NEBL: variants seen among roughly 807,000 people sequenced by gnomAD.
NEBL encodes LIM and SH3 protein 2.
Under a neutral mutation model 140.2 loss-of-function variants are expected in NEBL, and 122 were observed. That is an observed-to-expected ratio of 0.87 (90% CI 0.75 to 1.01). The LOEUF is 1.01. NEBL is among the 50% of genes least tolerant of loss of function. The pLI, the probability that NEBL is intolerant of heterozygous loss-of-function variation, is 0.00. For missense variants in NEBL, 1,365 were observed against 1,231.3 expected (o/e 1.11, Z -1.62); for synonymous variants, 436 against 398.9 (o/e 1.09, Z -1.11).
intron 2 of NEBL, among the ~76,000 whole-genome samples, chr10:21,085,924 G>T (rs948749747): frequency 3.9e-5 from 6 of 152,038 alleles, no homozygotes; most frequent in African/African-American, 1.4e-4. Flanking sequence ...ATATACAGGA[G>T]GAGCTTTTAT....
intron 3 of NEBL, among the ~76,000 whole-genome samples, chr10:21,194,917 T>A (rs1841625911): frequency 6.6e-6 from 1 of 151,180 alleles, no homozygotes; most frequent in South Asian, 2.1e-4. Flanking sequence ...AAGCTAATGA[T>A]GTAGATCAAG....
chr10:21,017,017 C>A (rs1009348450), intron 3 of NEBL, among the ~76,000 whole-genome samples: 3 of 152,138 alleles, frequency 2.0e-5, no homozygotes, highest in African/African-American at 7.2e-5. Flanking sequence ...GCTTACAGAT[C>A]TTTTCTAGGT....
chr10:20,848,616 A>T (rs1277125030), intron 11 of NEBL, among the ~76,000 whole-genome samples: 1 of 148,314 alleles, frequency 6.7e-6, no homozygotes, highest in African/African-American at 2.7e-5. Context: ...CACAAACCCT[A>T]TTATGAACTG....
intron 1 of NEBL, among the ~76,000 whole-genome samples, chr10:21,291,965 C>T (rs1478026366): frequency 6.6e-6 from 1 of 151,790 alleles, no homozygotes; most frequent in African/African-American, 2.4e-5. Context: ...AACCCATATG[C>T]AGATGATAAT....
intron 3 of NEBL, among the ~76,000 whole-genome samples, chr10:21,234,426 C>T (rs551344941): frequency 6.0e-4 from 92 of 152,256 alleles, no homozygotes; most frequent in African/African-American, 2.1e-3. Flanking sequence ...TCACCTGCCT[C>T]TCCCACTTCA....
chr10:20,794,814 A>C lies in NEBL; in HGVS notation c.2762-7506T>G, dbSNP rs57087711. On this transcript the variant is annotated intron_variant, in intron 26 of 27. Coordinates refer to ENST00000377122, the MANE Select transcript of NEBL (RefSeq NM_006393.3). ...TCTTAAAGTTCTGCTTTTCAGGAAC[A>C]TCCTTAGTCTCGGGCAATTTGGGAT... Among the ~76,000 whole-genome samples, 1,030 of 152,314 alleles carry C rather than the reference A, an allele frequency of 6.8e-3. 16 individuals are homozygous for C. Among genetic ancestry groups the C allele is most frequent in the East Asian group, 0.066 (342 of 5,186 alleles).
intron 3 of NEBL, among the ~76,000 whole-genome samples, chr10:21,193,229 G>A (rs1484679490): frequency 2.0e-5 from 3 of 152,160 alleles, no homozygotes; most frequent in East Asian, 1.9e-4. Context: ...GTGAGCACCT[G>A]GAGACCTGGA....
intron 2 of NEBL, chr10:21,113,182 C>T (rs1233127323): frequency 1.4e-5 from 4 of 290,118 alleles, no homozygotes; most frequent in South Asian, 1.1e-4. Context: ...GAAAAAGTGC[C>T]AGTGAAGAAA....
At chr10:21,223,294 T>C (rs887044690) in intron 3 of NEBL, among the ~76,000 whole-genome samples, 1 of 152,276 alleles carries the variant, frequency 6.6e-6, no homozygotes, top group African/African-American at 2.4e-5. Context: ...AGTGAGAATA[T>C]GTGAAGTTTG....
At chr10:20,881,012 G>C (rs911477298) in intron 4 of NEBL, 108 bp from the exon 5 acceptor site, 3 of 802,494 alleles carry the variant, frequency 3.7e-6, no homozygotes, top group Non-Finnish European at 6.5e-6. Flanking sequence ...ACCACTGATA[G>C]TTAATTTGCC....
intron 4 of NEBL, among the ~76,000 whole-genome samples, chr10:20,956,145 G>C (rs1270626325): frequency 6.6e-6 from 1 of 152,140 alleles, no homozygotes; most frequent in Non-Finnish European, 1.5e-5. Flanking sequence ...GCAAAACCAG[G>C]TGTAAGGGAA....
chr10:20,835,818 G>A (rs1278174543), intron 13 of NEBL, among the ~76,000 whole-genome samples, 195 bp from the exon 14 acceptor site: 2 of 152,176 alleles, frequency 1.3e-5, no homozygotes, highest in Admixed American at 6.5e-5. Flanking sequence ...CTGAAGAAGG[G>A]CATGCAAAGC....
upstream of NEBL, chr10:20,899,295 C>T (rs1765894698): frequency 1.1e-5 from 9 of 848,168 alleles, no homozygotes; most frequent in Non-Finnish European, 1.5e-5. Flanking sequence ...GCCAAAACTG[C>T]CTGAGACACA....
chr10:20,858,102 T>C, intron 9 of NEBL, 138 bp downstream of exon 9: 2 of 724,380 alleles, frequency 2.8e-6, no homozygotes, highest in Non-Finnish European at 4.9e-6. Flanking sequence ...CAGAGGACTG[T>C]TTTTCAATGA....
Position 21,161,559 on chromosome 10 carries a change from G to A in NEBL, c.164+10824C>T, listed in dbSNP as rs147171574. ...TGTAATTTGCCAATAGGACAGACTCGTGTATCAATAAAAACAAAATCTAGA... is the reference window on the plus strand; with the variant it reads ...TGTAATTTGCCAATAGGACAGACTCATGTATCAATAAAAACAAAATCTAGA... On this transcript the variant is annotated intron_variant, in intron 2 of 6. Transcript: ENST00000417816. Among the ~76,000 whole-genome samples the A allele has an allele frequency of 1.3e-3, 199 of 152,232 alleles. 1 individual carries two copies. The highest frequency in any genetic ancestry group is 4.6e-3 in the African/African-American group (190 of 41,540).
At chr10:20,884,710 G>T (rs1846325246) in intron 4 of NEBL, among the ~76,000 whole-genome samples, 1 of 152,174 alleles carries the variant, frequency 6.6e-6, no homozygotes, top group African/African-American at 2.4e-5. Context: ...AGAATCCTGT[G>T]ACCACCGTGG....
intron 1 of NEBL, among the ~76,000 whole-genome samples, chr10:21,267,016 T>C (rs1240912376): frequency 6.6e-6 from 1 of 151,934 alleles, no homozygotes; most frequent in East Asian, 1.9e-4. Context: ...ACTCTGTCAC[T>C]CAGACTGGAG....
chr10:21,255,461 C>G (rs1017278908), intron 1 of NEBL, among the ~76,000 whole-genome samples: 3 of 152,046 alleles, frequency 2.0e-5, no homozygotes, highest in African/African-American at 4.8e-5. Context: ...AATACAGTAG[C>G]CATTAACCAC....
chr10:21,154,261 C>G (rs1035385307), intron 2 of NEBL, among the ~76,000 whole-genome samples: 6 of 151,926 alleles, frequency 3.9e-5, no homozygotes, highest in African/African-American at 1.5e-4. Context: ...GAGTTCGAGA[C>G]CAACCTGATC....
Sources: gnomAD v4.1 joint callset for allele counts (sites outside exome capture counted in the v4.1 genomes callset) on GRCh38, gnomAD v4.1.1 for gene constraint, MANE v1.5 for transcripts, NCBI Gene and HGNC (gene_info 2026-07-23, HGNC 2026-07-21) for gene names.